The following METTL15 variants were observed in gnomAD, a reference collection of about 807,000 sequenced individuals.
METTL15 encodes the protein methyltransferase 15, mitochondrial 12S rRNA N4-cytidine, also known as 12S rRNA N(4)-cytidine methyltransferase METTL15.
A neutral mutation model predicts 38.3 loss-of-function variants in METTL15; 34 were observed. The observed-to-expected ratio is 0.89, with a 90% CI of 0.68 to 1.18. The LOEUF (loss-of-function observed/expected upper bound fraction) is 1.18, where lower values mean the gene tolerates loss of function less well. Ranked by LOEUF, METTL15 falls within the 50% of genes most tolerant of loss-of-function variation. The probability of loss-of-function intolerance (pLI) is 0.00; values close to 1 mark genes in which losing one functional copy is unlikely to be tolerated. For missense variants in METTL15, 438 were observed against 498.4 expected (o/e 0.88, Z 1.15); for synonymous variants, 162 against 170.9 (o/e 0.95, Z 0.41).
chr11:28,356,611 G>A, intron 4 of METTL15, among the ~76,000 whole-genome samples: 1 of 152,146 alleles, frequency 6.6e-6, no homozygotes, highest in Non-Finnish European at 1.5e-5. Flanking sequence ...ACAATAGCCT[G>A]GCATTCTCTG....
At chr11:28,145,095 C>T in intron 3 of METTL15, 1 of 156,188 alleles carries the variant, frequency 6.4e-6, no homozygotes, top group South Asian at 2.0e-4. Flanking sequence ...GAGGAGTTAG[C>T]TCAACTTTGG....
intron 3 of METTL15, among the ~76,000 whole-genome samples, chr11:28,342,272 A>AT (rs903643273): frequency 9.9e-5 from 15 of 151,472 alleles, no homozygotes; most frequent in Admixed American, 2.6e-4. Flanking sequence ...TTTTATTTTT[A>AT]TTTTTTTGTG....
Position 28,513,606 on chromosome 11 carries a change from C to T in METTL15, c.*425-12872C>T, listed in dbSNP as rs145853418. On this transcript the variant is annotated intron_variant and NMD_transcript_variant, in intron 6 of 7. Transcript: ENST00000532947. ...AGTGGGAAATCAGGGGTCTCACAGC[C>T]CAGAGCTGAGAGCCCCGAACAGAGA... 5.4e-3 allele frequency among the ~76,000 whole-genome samples: 825 copies of T among 152,234 alleles called. 4 individuals are homozygous for T. The highest frequency in any genetic ancestry group is 8.4e-3 in the Non-Finnish European group (571 of 68,028).
At chr11:28,229,437 A>G (rs985174781) in intron 4 of METTL15, among the ~76,000 whole-genome samples, 18 of 152,008 alleles carry the variant, frequency 1.2e-4, no homozygotes, top group African/African-American at 3.9e-4. Flanking sequence ...ACTGAAGGCT[A>G]TACCTGTGCA....
chr11:28,239,767 A>G (rs1444745426), intron 4 of METTL15, among the ~76,000 whole-genome samples: 4 of 152,174 alleles, frequency 2.6e-5, no homozygotes, highest in Non-Finnish European at 5.9e-5. Context: ...CTCTGCTCAA[A>G]TGTCTTCTGT....
At chr11:28,348,419 G>C (rs1450203579) in intron 3 of METTL15, among the ~76,000 whole-genome samples, 1 of 152,206 alleles carries the variant, frequency 6.6e-6, no homozygotes, top group Non-Finnish European at 1.5e-5. Flanking sequence ...TCAGGCTGGA[G>C]TACAGTGGTG....
At chr11:28,519,533 C>T (rs766115753) in intron 6 of METTL15, among the ~76,000 whole-genome samples, 9 of 148,338 alleles carry the variant, frequency 6.1e-5, no homozygotes, top group African/African-American at 1.2e-4. Flanking sequence ...CCAGCCTGGG[C>T]GACAGAGTGA....
At chr11:28,231,189 C>T (rs1017742302) in intron 4 of METTL15, among the ~76,000 whole-genome samples, 2 of 151,704 alleles carry the variant, frequency 1.3e-5, no homozygotes, top group Admixed American at 6.6e-5. Flanking sequence ...CTTACTTTAT[C>T]AGGAAAGACA....
intron 6 of METTL15, among the ~76,000 whole-genome samples, chr11:28,441,863 T>A (rs973979881): frequency 2.0e-5 from 3 of 152,206 alleles, no homozygotes; most frequent in Non-Finnish European, 4.4e-5. Context: ...TCTCTCTAAT[T>A]TCTTGGTCTA....
chr11:28,429,916 G>A (rs1431622837), intron 6 of METTL15, among the ~76,000 whole-genome samples: 7 of 116,334 alleles, frequency 6.0e-5, no homozygotes. Context: ...AGTGAGGAGC[G>A]CCTCTTCCCA....
intron 3 of METTL15, among the ~76,000 whole-genome samples, chr11:28,117,940 T>G (rs1386049911): frequency 6.6e-6 from 1 of 152,202 alleles, no homozygotes; most frequent in Non-Finnish European, 1.5e-5. Context: ...GTCACTTACT[T>G]ACTTACTATT....
chr11:28,458,725 A>C (rs891670330), intron 6 of METTL15, among the ~76,000 whole-genome samples: 1 of 152,196 alleles, frequency 6.6e-6, no homozygotes, highest in Non-Finnish European at 1.5e-5. Flanking sequence ...AGAACAACAC[A>C]TAGCCCACAT....
intron 3 of METTL15, among the ~76,000 whole-genome samples, chr11:28,167,321 G>A (rs1850691467): frequency 6.6e-6 from 1 of 152,098 alleles, no homozygotes; most frequent in Non-Finnish European, 1.5e-5. Context: ...GCAAGAACAT[G>A]GGAGAACCAG....
chr11:28,378,609 C>T (rs1850347531), intron 5 of METTL15, among the ~76,000 whole-genome samples: 3 of 152,128 alleles, frequency 2.0e-5, no homozygotes, highest in African/African-American at 7.2e-5. Flanking sequence ...CAGAAATCAC[C>T]CTTCTTCTGC....
intron 3 of METTL15, among the ~76,000 whole-genome samples, chr11:28,346,791 TACA>T (rs1434423205): frequency 1.3e-5 from 2 of 152,228 alleles, no homozygotes; most frequent in Admixed American, 6.5e-5. Context: ...GTGTTTCGTG[TACA>T]ACAACTTGTG....
At chr11:28,273,201 T>C (rs1855713878) in intron 4 of METTL15, among the ~76,000 whole-genome samples, 1 of 152,138 alleles carries the variant, frequency 6.6e-6, no homozygotes. Flanking sequence ...CATAGAAGTA[T>C]TCAGAAAATG....
chr11:28,521,989 CATCT>C (rs1478038811), intron 6 of METTL15, among the ~76,000 whole-genome samples: 1 of 152,112 alleles, frequency 6.6e-6, no homozygotes, highest in African/African-American at 2.4e-5. Context: ...TTGAGTTTGC[CATCT>C]GTTTTCTGTT....
intron 5 of METTL15, among the ~76,000 whole-genome samples, chr11:28,375,356 T>C (rs2133379092): frequency 6.6e-6 from 1 of 152,004 alleles, no homozygotes; most frequent in African/African-American, 2.4e-5. Flanking sequence ...CTGTTATTGG[T>C]CTATTCAGAG....
At chr11:28,511,445 C>T (rs1262012844) in intron 6 of METTL15, among the ~76,000 whole-genome samples, 1 of 152,194 alleles carries the variant, frequency 6.6e-6, no homozygotes, top group Non-Finnish European at 1.5e-5. Context: ...GGTTCTTGGT[C>T]TCACTGACTT....
Sources: gnomAD v4.1 joint callset for allele counts (sites outside exome capture counted in the v4.1 genomes callset) on GRCh38, gnomAD v4.1.1 for gene constraint, MANE v1.5 for transcripts, NCBI Gene and HGNC (gene_info 2026-07-23, HGNC 2026-07-21) for gene names.